The following GRID1 variants were observed in gnomAD, a reference collection of about 807,000 sequenced individuals.
GRID1 encodes glutamate receptor ionotropic, delta-1.
GRID1 carries 28 observed loss-of-function variants against 98.0 expected under a neutral mutation model. The ratio of observed to expected loss-of-function variants is 0.29; its 90% CI spans 0.21 to 0.39. The LOEUF (loss-of-function observed/expected upper bound fraction) is 0.39, where lower values mean the gene tolerates loss of function less well. Ranked by LOEUF, GRID1 falls within the 10% of genes least tolerant of loss-of-function variation. The pLI is 1.00. For synonymous variants in GRID1, 553 were observed against 538.5 expected (o/e 1.03, Z -0.37); for missense variants, 1,111 against 1,340.5 (o/e 0.83, Z 2.67).
At chr10:86,280,536 G>A (rs2132067537) in intron 2 of GRID1, among the ~76,000 whole-genome samples, 2 of 152,330 alleles carry the variant, frequency 1.3e-5, no homozygotes, top group Non-Finnish European at 2.9e-5. Context: ...CCTTGTGAAA[G>A]CAGGAGGAGC....
intron 15 of GRID1, 103 bp downstream of exon 15, chr10:85,613,304 A>T: frequency 8.9e-7 from 1 of 1,119,170 alleles, no homozygotes; most frequent in Non-Finnish European, 1.3e-6. Context: ...AGACAAGATG[A>T]CTCAGGTAAA....
rs1013541689 is a variant in GRID1, at chr10:85,614,871, A to G, written c.2361-1224T>C. Among the ~76,000 whole-genome samples the G allele has an allele frequency of 3.3e-5, 5 of 152,304 alleles. No homozygotes were observed. The East Asian group carries it at 9.6e-4, about 29-fold the overall frequency. ...GTCTGTAACCCAGAAGTCTTAACAG[A>G]GAGCCAGTGGTAGCTGGTAGTACCC... On this transcript the variant is annotated intron_variant, in intron 14 of 15. Transcript: ENST00000327946.
chr10:85,672,240 A>T (rs1841094907), intron 12 of GRID1, among the ~76,000 whole-genome samples: 1 of 152,230 alleles, frequency 6.6e-6, no homozygotes, highest in Non-Finnish European at 1.5e-5. Flanking sequence ...TCATGACTTT[A>T]TGTTGAAACT....
At chr10:86,153,770 C>T (rs1845203652) in intron 3 of GRID1, among the ~76,000 whole-genome samples, 1 of 151,376 alleles carries the variant, frequency 6.6e-6, no homozygotes, top group South Asian at 2.1e-4. Context: ...AAAGCCACAT[C>T]AATATTAATT....
intron 4 of GRID1, among the ~76,000 whole-genome samples, chr10:86,136,416 A>G (rs1844925546): frequency 1.3e-5 from 2 of 152,218 alleles, no homozygotes; most frequent in Non-Finnish European, 2.9e-5. Context: ...GCAGTGCTGT[A>G]CACTGATATT....
At chr10:85,809,957 T>C (rs61855965) in intron 8 of GRID1, among the ~76,000 whole-genome samples, 2,599 of 152,310 alleles carry the variant, frequency 0.017, 39 homozygotes, top group Non-Finnish European at 0.028. Flanking sequence ...GGAATTCACA[T>C]GGCTGCTTTT....
intron 4 of GRID1, among the ~76,000 whole-genome samples, chr10:86,036,321 C>T (rs1843260846): frequency 6.6e-6 from 1 of 152,208 alleles, no homozygotes; most frequent in South Asian, 2.1e-4. Flanking sequence ...TGGCTGGTTG[C>T]TGTGGGTTTG....
intron 4 of GRID1, among the ~76,000 whole-genome samples, chr10:85,986,661 C>T (rs1010274917): frequency 6.6e-6 from 1 of 152,180 alleles, no homozygotes; most frequent in Admixed American, 6.5e-5. Context: ...GACTGAGATG[C>T]CAGGCTTCCA....
chr10:86,354,361 A>T (rs1848505533), intron 2 of GRID1, among the ~76,000 whole-genome samples: 1 of 152,198 alleles, frequency 6.6e-6, no homozygotes, highest in Non-Finnish European at 1.5e-5. Flanking sequence ...AGGAGGATGG[A>T]AAACATGGTG....
At position 86,066,755 on chromosome 10, in the gene GRID1, T is replaced by C. The variant is rs373588277; in HGVS notation, c.726+72064A>G. Reference sequence around the variant, plus strand: ...CAAGCCATTGCCTAAGTTAGGAGGCTCTGTGTGCTCTTTCCTGTCATCAGG... The same window carrying C: ...CAAGCCATTGCCTAAGTTAGGAGGCCCTGTGTGCTCTTTCCTGTCATCAGG... On this transcript the variant is annotated intron_variant, in intron 4 of 15. Transcript: ENST00000327946. 6.6e-5 allele frequency among the ~76,000 whole-genome samples: 10 copies of C among 152,304 alleles called. No homozygotes were observed. The South Asian group carries it at 2.1e-3, about 32-fold the overall frequency.
chr10:85,886,699 T>C (rs1286603837), intron 5 of GRID1, among the ~76,000 whole-genome samples: 2 of 152,204 alleles, frequency 1.3e-5, no homozygotes, highest in Admixed American at 6.5e-5. Flanking sequence ...ATTTTTATAA[T>C]GAAGGGAAAT....
chr10:85,795,375 T>C (rs557331363), intron 8 of GRID1, among the ~76,000 whole-genome samples: 26 of 152,322 alleles, frequency 1.7e-4, no homozygotes, highest in African/African-American at 6.0e-4. Flanking sequence ...TTCTGCAGCA[T>C]GTCAGTCTTA....
intron 5 of GRID1, among the ~76,000 whole-genome samples, chr10:85,905,933 A>T (rs533974647): frequency 4.6e-5 from 7 of 152,160 alleles, no homozygotes; most frequent in Non-Finnish European, 8.8e-5. Flanking sequence ...AAATTATCTA[A>T]AATTCCTCAA....
intron 4 of GRID1, among the ~76,000 whole-genome samples, chr10:86,110,228 C>T (rs2131951387): frequency 6.6e-6 from 1 of 152,310 alleles, no homozygotes; most frequent in East Asian, 1.9e-4. Context: ...CCTGCCTCGG[C>T]CTCCCAAAGT....
intron 12 of GRID1, among the ~76,000 whole-genome samples, chr10:85,687,912 T>G (rs1460721051): frequency 6.6e-6 from 1 of 152,060 alleles, no homozygotes; most frequent in African/African-American, 2.4e-5. Flanking sequence ...GAAATGACTG[T>G]GTTTAAAAGT....
At chr10:85,994,699 C>T (rs1054824458) in intron 4 of GRID1, among the ~76,000 whole-genome samples, 10 of 152,154 alleles carry the variant, frequency 6.6e-5, no homozygotes, top group Admixed American at 1.3e-4. Flanking sequence ...CCCAGCTGGT[C>T]GCCTGGTAGT....
intron 2 of GRID1, among the ~76,000 whole-genome samples, chr10:86,337,068 G>A (rs2132106880): frequency 6.6e-6 from 1 of 151,810 alleles, no homozygotes; most frequent in Non-Finnish European, 1.5e-5. Flanking sequence ...AGCCAGGATG[G>A]TCTCGATCTC....
At chr10:86,101,115 G>A (rs1366537309) in intron 4 of GRID1, among the ~76,000 whole-genome samples, 1 of 151,972 alleles carries the variant, frequency 6.6e-6, no homozygotes, top group African/African-American at 2.4e-5. Context: ...CATATGCAGG[G>A]GTCCACCTGG....
chr10:85,868,946 T>G, intron 6 of GRID1, 64 bp downstream of exon 6: 1 of 1,443,760 alleles, frequency 6.9e-7, no homozygotes, highest in Non-Finnish European at 9.7e-7. Context: ...CATGTCTCCC[T>G]TGGCCAAGGG....
Sources: gnomAD v4.1 joint callset for allele counts (sites outside exome capture counted in the v4.1 genomes callset) on GRCh38, gnomAD v4.1.1 for gene constraint, MANE v1.5 for transcripts, NCBI Gene and HGNC (gene_info 2026-07-23, HGNC 2026-07-21) for gene names.